MTFR1: variants seen among roughly 807,000 people sequenced by gnomAD.
The protein encoded by MTFR1 is mitochondrial fission regulator 1.
MTFR1 carries 28 observed loss-of-function variants against 38.8 expected under a neutral mutation model. That is an observed-to-expected ratio of 0.72 (90% CI 0.53 to 0.99). MTFR1 has a LOEUF of 0.99. MTFR1 is among the 50% of genes least tolerant of loss of function. The probability of loss-of-function intolerance (pLI) is 0.00; values close to 1 mark genes in which losing one functional copy is unlikely to be tolerated. For missense variants in MTFR1, 358 were observed against 395.5 expected (o/e 0.91, Z 0.81); for synonymous variants, 145 against 137.0 (o/e 1.06, Z -0.41).
At chr8:65,647,447 G>C (rs538576755) in intron 1 of MTFR1, among the ~76,000 whole-genome samples, 1 of 152,290 alleles carries the variant, frequency 6.6e-6, no homozygotes, top group South Asian at 2.1e-4. Context: ...CATGTAGCTG[G>C]ATTACAGGCG....
intron 3 of MTFR1, chr8:65,727,289 C>T: frequency 6.2e-7 from 1 of 1,612,412 alleles, no homozygotes; most frequent in Non-Finnish European, 8.5e-7. Context: ...CAAGGAGTTA[C>T]AGAATTGGCA....
At chr8:65,757,861 A>T (rs1317067291) in intron 3 of MTFR1, among the ~76,000 whole-genome samples, 2 of 152,008 alleles carry the variant, frequency 1.3e-5, no homozygotes, top group Admixed American at 1.3e-4. Context: ...TCGTGATCCG[A>T]CCGCCTTGGC....
At chr8:65,724,786 C>T (rs1281910319) in intron 3 of MTFR1, 5 of 1,602,580 alleles carry the variant, frequency 3.1e-6, no homozygotes. Flanking sequence ...CCTGTAAAAC[C>T]AAATGTCTGT....
intron 3 of MTFR1, among the ~76,000 whole-genome samples, chr8:65,684,562 T>G (rs1323548783): frequency 6.6e-6 from 1 of 151,832 alleles, no homozygotes; most frequent in Non-Finnish European, 1.5e-5. Flanking sequence ...ATTTTGTATT[T>G]TTAATAGAGA....
At chr8:65,672,741 G>T (rs1804598400) in intron 2 of MTFR1, among the ~76,000 whole-genome samples, 2 of 152,102 alleles carry the variant, frequency 1.3e-5, no homozygotes, top group Non-Finnish European at 2.9e-5. Context: ...TCTTCATCTT[G>T]CACTTTTATG....
At chr8:65,747,860 C>T (rs559412022) in intron 3 of MTFR1, 123 of 1,028,906 alleles carry the variant, frequency 1.2e-4, no homozygotes, top group Admixed American at 6.5e-4. Context: ...CACATGCTAT[C>T]TTTGCAATAC....
intron 3 of MTFR1, chr8:65,727,326 A>C: frequency 1.9e-6 from 3 of 1,612,088 alleles, no homozygotes; most frequent in African/African-American, 1.3e-5. Context: ...AAGAATAATG[A>C]ATCACAGATA....
At chr8:65,769,109 G>A (rs572284830) in intron 3 of MTFR1, among the ~76,000 whole-genome samples, 59 of 151,840 alleles carry the variant, frequency 3.9e-4, no homozygotes, top group African/African-American at 1.1e-3. Flanking sequence ...TTAGCCGGGC[G>A]TGATGGCAGG....
intron 3 of MTFR1, among the ~76,000 whole-genome samples, chr8:65,686,602 G>T (rs1445569785): frequency 7.2e-6 from 1 of 138,004 alleles, no homozygotes; most frequent in Non-Finnish European, 1.6e-5. Context: ...AAAAAAAAAG[G>T]CACTGTGAAA....
At chr8:65,662,819 G>GC (rs571886577) in intron 1 of MTFR1, among the ~76,000 whole-genome samples, 1,929 of 150,706 alleles carry the variant, frequency 0.013, 46 homozygotes, top group African/African-American at 0.045. Flanking sequence ...GTGGGGGTCA[G>GC]CCCCCCGCCC....
intron 3 of MTFR1, chr8:65,724,639 G>T: frequency 4.2e-6 from 3 of 711,488 alleles, no homozygotes; most frequent in Non-Finnish European, 6.9e-6. Context: ...TGGAAGGAGT[G>T]TGCGCTAATT....
intron 3 of MTFR1, among the ~76,000 whole-genome samples, chr8:65,740,430 C>T (rs1360655091): frequency 6.6e-6 from 1 of 151,884 alleles, no homozygotes; most frequent in African/African-American, 2.4e-5. Context: ...AGATGGAGTC[C>T]AGCACTGTCA....
chr8:65,778,468 G>A, the MTFR1 span, among the ~76,000 whole-genome samples: 1 of 152,160 alleles, frequency 6.6e-6, no homozygotes, highest in Non-Finnish European at 1.5e-5. Context: ...CCATTTTTAA[G>A]CTGTCTGAAC....
intron 3 of MTFR1, among the ~76,000 whole-genome samples, chr8:65,738,407 T>C (rs1807247435): frequency 6.6e-6 from 1 of 152,176 alleles, no homozygotes; most frequent in African/African-American, 2.4e-5. Flanking sequence ...GGAGAGGACT[T>C]TCTCAGAAGT....
intron 3 of MTFR1, among the ~76,000 whole-genome samples, chr8:65,768,064 C>A (rs1808883128): frequency 6.6e-6 from 1 of 152,086 alleles, no homozygotes; most frequent in Non-Finnish European, 1.5e-5. Context: ...AGAGGACACC[C>A]AGTTGGTGTC....
intron 3 of MTFR1, among the ~76,000 whole-genome samples, chr8:65,756,049 G>GT (rs1303286709): frequency 1.3e-5 from 2 of 152,332 alleles, no homozygotes; most frequent in African/African-American, 4.8e-5. Flanking sequence ...GTGGTTGACA[G>GT]TTTTTTGTTT....
chr8:65,682,328 C>A, intron 2 of MTFR1, 25 bp from the exon 3 acceptor site: 1 of 1,287,046 alleles, frequency 7.8e-7, no homozygotes, highest in Non-Finnish European at 1.1e-6. Flanking sequence ...TGTAATTAAG[C>A]TTTCGGTTTT....
intron 2 of MTFR1, chr8:65,682,125 A>G (rs1387989641): frequency 9.4e-6 from 2 of 212,468 alleles, no homozygotes; most frequent in East Asian, 9.8e-5. Flanking sequence ...ATATTTTTAT[A>G]TAATACTTTA....
At chr8:65,759,022 T>C (rs780076677) in intron 3 of MTFR1, among the ~76,000 whole-genome samples, 2 of 152,134 alleles carry the variant, frequency 1.3e-5, no homozygotes, top group Non-Finnish European at 2.9e-5. Flanking sequence ...GGAACATGTC[T>C]TGACTCAGCC....
Sources: allele counts gnomAD v4.1 joint callset (sites outside exome capture counted in the v4.1 genomes callset), GRCh38; gene constraint gnomAD v4.1.1; transcripts MANE v1.5; gene names NCBI Gene and HGNC (gene_info 2026-07-23, HGNC 2026-07-21).